The following RPL24 variants were observed in gnomAD, a reference collection of about 807,000 sequenced individuals.
RPL24 encodes the protein large ribosomal subunit protein eL24.
RPL24 carries 7 observed loss-of-function variants against 26.4 expected under a neutral mutation model. The ratio of observed to expected loss-of-function variants is 0.27; its 90% CI spans 0.15 to 0.50. The LOEUF (loss-of-function observed/expected upper bound fraction) is 0.50, where lower values mean the gene tolerates loss of function less well. Ranked by LOEUF, RPL24 falls within the 20% of genes least tolerant of loss-of-function variation. The pLI is 0.98. For missense variants in RPL24, 109 were observed against 194.9 expected (o/e 0.56, Z 2.62); for synonymous variants, 67 against 65.2 (o/e 1.03, Z -0.13).
At chr3:101,682,708 T>C (rs1937279183) in intron 4 of RPL24, 63 bp downstream of exon 4, 11 of 1,517,518 alleles carry the variant, frequency 7.2e-6, no homozygotes, top group African/African-American at 1.4e-5. Context: ...CTTTAATTAC[T>C]GAAGACCCAA....
At chr3:101,682,679 A>C (rs1188152154) in intron 4 of RPL24, 92 bp downstream of exon 4, 3 of 1,322,124 alleles carry the variant, frequency 2.3e-6, no homozygotes, top group Non-Finnish European at 3.2e-6. Context: ...AGCTTAACAT[A>C]TATTAATCTA....
chr3:101,683,402 T>C (rs144675359), intron 3 of RPL24, among the ~76,000 whole-genome samples: 2 of 152,356 alleles, frequency 1.3e-5, no homozygotes, highest in Admixed American at 1.3e-4. Context: ...GAAAAAGATC[T>C]TGCAGTGCAC....
intron 3 of RPL24, among the ~76,000 whole-genome samples, chr3:101,684,959 T>TGC (rs1937316683): frequency 6.6e-6 from 1 of 151,776 alleles, no homozygotes; most frequent in Non-Finnish European, 1.5e-5. Flanking sequence ...GTACAGCCGC[T>TGC]GCCACCAAGC....
intron 3 of RPL24, among the ~76,000 whole-genome samples, chr3:101,684,184 A>T (rs1355508970): frequency 6.1e-5 from 9 of 146,672 alleles, no homozygotes; most frequent in East Asian, 2.0e-4. Flanking sequence ...TTTTTTTTTT[A>T]AATGGAGCCT....
rs1216705707 is a variant in RPL24, at chr3:101,685,908, C to T, written c.102G>A (p.Ala34=). 4 of 1,613,346 alleles carry T rather than the reference C, an allele frequency of 2.5e-6. No homozygotes were observed. Among genetic ancestry groups the T allele is most frequent in the Middle Eastern group, 1.7e-4 (1 of 6,060 alleles). The part of the protein sequence containing the change: ...TDGKVFQFLN[A]KCESAFLSKR... ...TGGAAAGGAAAGCCGACTCGCATTT[C>T]GCATTAAGAAACTGGAAAACCTAGA... The change falls in exon 3 of 6, where the codon GCG becomes GCA. Residue 34 remains alanine, a synonymous_variant. Transcript: ENST00000394077.
chr3:101,684,211 G>T (rs1937300108), intron 3 of RPL24, among the ~76,000 whole-genome samples: 1 of 149,868 alleles, frequency 6.7e-6, no homozygotes, highest in Admixed American at 6.7e-5. Context: ...GTCACCCAGG[G>T]TGGAGTGCAG....
rs57278210 is a variant in RPL24, at chr3:101,684,776, C to CAAAAAAAAAAAAA, written c.192+1029_192+1041dup. ...CTGAGCAACAGAGGACCTGTCTCCC[C>CAAAAAAAAAAAAA]AAAAAAAAAAAAAAAAAAAAAAAAA... On this transcript the variant is annotated intron_variant, in intron 3 of 5. Coordinates refer to ENST00000394077, the MANE Select transcript of RPL24 (RefSeq NM_000986.4). Among the ~76,000 whole-genome samples, 112 of 53,208 alleles carry CAAAAAAAAAAAAA rather than the reference C, an allele frequency of 2.1e-3. 12 individuals are homozygous for CAAAAAAAAAAAAA. Among genetic ancestry groups the CAAAAAAAAAAAAA allele is most frequent in the South Asian group, 3.1e-3 (3 of 956 alleles). The allele number at this position is 53,208 out of a possible 152,430, so 34.9% of individuals were successfully genotyped here.
intron 2 of RPL24, 31 bp from the exon 3 acceptor site, chr3:101,685,959 T>A (rs753014409): frequency 1.5e-6 from 2 of 1,376,852 alleles, no homozygotes; most frequent in Non-Finnish European, 2.1e-6. Flanking sequence ...GAATTACTAT[T>A]TAACTATACA....
chr3:101,686,020 G>T, intron 2 of RPL24, 92 bp from the exon 3 acceptor site: 1 of 821,762 alleles, frequency 1.2e-6, no homozygotes, highest in Non-Finnish European at 2.0e-6. Flanking sequence ...CAATATGCTA[G>T]TTCTGGCTTA....
intron 3 of RPL24, among the ~76,000 whole-genome samples, chr3:101,684,245 AC>A (rs1937300748): frequency 6.7e-6 from 1 of 150,374 alleles, no homozygotes; most frequent in African/African-American, 2.5e-5. Context: ...GCTCACTGCA[AC>A]CCCCCACTTC....
At chr3:101,685,373 T>G (rs1937322740) in intron 3 of RPL24, among the ~76,000 whole-genome samples, 1 of 152,174 alleles carries the variant, frequency 6.6e-6, no homozygotes, top group Non-Finnish European at 1.5e-5. Context: ...GCACTCAAAC[T>G]TTTTCTCATG....
chr3:101,682,558 G>A, intron 4 of RPL24, 66 bp from the exon 5 acceptor site: 1 of 1,352,588 alleles, frequency 7.4e-7, no homozygotes, highest in Non-Finnish European at 1.1e-6. Context: ...TATTATTAGA[G>A]TTAGACTGTA....
intron 3 of RPL24, among the ~76,000 whole-genome samples, chr3:101,683,291 CAG>C (rs1937285075): frequency 6.6e-6 from 1 of 152,120 alleles, no homozygotes; most frequent in Non-Finnish European, 1.5e-5. Flanking sequence ...AATTATTTGA[CAG>C]GAGAGCCACC....
chr3:101,686,625 TTC>T (rs775917152), intron 1 of RPL24, 45 bp downstream of exon 1: 2 of 1,614,044 alleles, frequency 1.2e-6, no homozygotes, highest in Admixed American at 3.3e-5. Context: ...CAGAGAGGAG[TTC>T]TGCCCGAGGA....
intron 3 of RPL24, among the ~76,000 whole-genome samples, chr3:101,684,233 C>T (rs376713991): frequency 5.3e-5 from 8 of 151,842 alleles, no homozygotes; most frequent in Middle Eastern, 3.4e-3. Flanking sequence ...GGCACAATCC[C>T]AGCTCACTGC....
rs370447568 is a variant in RPL24, at chr3:101,685,931, A to C, written c.82-3T>G. 1.3e-6 allele frequency: 2 copies of C among 1,585,762 alleles called. No homozygotes were observed. Among genetic ancestry groups the C allele is most frequent in the Non-Finnish European group, 1.7e-6 (2 of 1,154,104 alleles). On this transcript the variant is annotated splice_polypyrimidine_tract_variant and splice_region_variant and intron_variant, in intron 2 of 5. Transcript: ENST00000394077. Reference sequence around the variant, plus strand: ...TTCGCATTAAGAAACTGGAAAACCTAGAGTGACAAATGCAAAGGAATTACT... The same window carrying C: ...TTCGCATTAAGAAACTGGAAAACCTCGAGTGACAAATGCAAAGGAATTACT...
chr3:101,686,435 C>T (rs761861912), intron 2 of RPL24, 47 bp downstream of exon 2: 3 of 1,554,308 alleles, frequency 1.9e-6, no homozygotes, highest in Non-Finnish European at 2.6e-6. Flanking sequence ...ACCAGCCTTT[C>T]CTCCTCGGAG....
intron 4 of RPL24, 128 bp from the exon 5 acceptor site, chr3:101,682,620 T>A (rs1576658147): frequency 8.8e-7 from 1 of 1,136,348 alleles, no homozygotes; most frequent in Non-Finnish European, 1.3e-6. Flanking sequence ...CATTTATTTG[T>A]AGGCTAAATC....
At chr3:101,685,555 G>C (rs182343233) in intron 3 of RPL24, among the ~76,000 whole-genome samples, 1 of 152,232 alleles carries the variant, frequency 6.6e-6, no homozygotes, top group African/African-American at 2.4e-5. Flanking sequence ...CCTCCCACTG[G>C]AAAACTAAGC....
Sources: gnomAD v4.1 joint callset for allele counts (sites outside exome capture counted in the v4.1 genomes callset) on GRCh38, gnomAD v4.1.1 for gene constraint, MANE v1.5 for transcripts, NCBI Gene and HGNC (gene_info 2026-07-23, HGNC 2026-07-21) for gene names.